The following PLGRKT variants were observed in gnomAD, a reference collection of about 807,000 sequenced individuals.
PLGRKT encodes plasminogen receptor with a C-terminal lysine.
PLGRKT carries 22 observed loss-of-function variants against 18.5 expected under a neutral mutation model. The ratio of observed to expected loss-of-function variants is 1.19; its 90% CI spans 0.85 to 1.70. The LOEUF (loss-of-function observed/expected upper bound fraction) is 1.70. Among genes scored for constraint, PLGRKT ranks in the 40% most tolerant of loss-of-function variants. PLGRKT has a pLI of 0.00. For synonymous variants in PLGRKT, 72 were observed against 52.8 expected (o/e 1.36, Z -1.58); for missense variants, 235 against 174.4 (o/e 1.35, Z -1.96).
chr9:5,382,132 G>A, intron 3 of PLGRKT: 1 of 458,522 alleles, frequency 2.2e-6, no homozygotes. Flanking sequence ...AACTATTCAT[G>A]ATGACTCTCT....
chr9:5,395,224 G>C (rs1818022676), intron 3 of PLGRKT, among the ~76,000 whole-genome samples: 1 of 151,860 alleles, frequency 6.6e-6, no homozygotes, highest in Non-Finnish European at 1.5e-5. Flanking sequence ...TGGTAGTTAA[G>C]TTCATGCACA....
At chr9:5,424,843 G>T (rs1172288653) in intron 3 of PLGRKT, among the ~76,000 whole-genome samples, 1 of 150,654 alleles carries the variant, frequency 6.6e-6, no homozygotes, top group Non-Finnish European at 1.5e-5. Flanking sequence ...CATCTTTCGT[G>T]TTGTTTTGTA....
At chr9:5,432,587 C>A (rs1036675073) in intron 2 of PLGRKT, among the ~76,000 whole-genome samples, 5 of 151,792 alleles carry the variant, frequency 3.3e-5, no homozygotes, top group African/African-American at 1.2e-4. Context: ...AACCTCCCTG[C>A]CTCTGGCTCC....
Position 5,402,226 on chromosome 9 carries a change from T to C in PLGRKT, c.81+29671A>G, listed in dbSNP as rs185892648. Among the ~76,000 whole-genome samples, 25 of 151,992 alleles carry C rather than the reference T, an allele frequency of 1.6e-4. No homozygotes were observed. In the East Asian group the frequency reaches 4.0e-3, roughly 25 times the overall value. ...GATTAGTGTCAACAGAAGGTAGAGA[T>C]AGTATTCCCTCAAAAGAGTTTAACA... On this transcript the variant is annotated intron_variant, in intron 3 of 5. Coordinates refer to ENST00000223864, the MANE Select transcript of PLGRKT (RefSeq NM_018465.4).
intron 3 of PLGRKT, among the ~76,000 whole-genome samples, chr9:5,370,460 G>C (rs770568413): frequency 2.6e-5 from 4 of 152,162 alleles, no homozygotes; most frequent in Non-Finnish European, 5.9e-5. Flanking sequence ...ATTTACTGGA[G>C]CCTTCCCTAT....
chr9:5,390,742 T>C (rs900066083), intron 3 of PLGRKT, among the ~76,000 whole-genome samples: 8 of 151,796 alleles, frequency 5.3e-5, no homozygotes, highest in Non-Finnish European at 1.2e-4. Flanking sequence ...GACTTAGAGA[T>C]AATATAGGTA....
At chr9:5,372,215 G>A (rs1259212825) in intron 3 of PLGRKT, among the ~76,000 whole-genome samples, 4 of 151,858 alleles carry the variant, frequency 2.6e-5, no homozygotes, top group Non-Finnish European at 2.9e-5. Flanking sequence ...TCTTGACCTC[G>A]TGATCTGCTC....
intron 2 of PLGRKT, among the ~76,000 whole-genome samples, chr9:5,436,331 CTTAT>C (rs906647480): frequency 1.1e-3 from 170 of 152,338 alleles, no homozygotes; most frequent in Admixed American, 0.011. Flanking sequence ...CTTGCCATTA[CTTAT>C]TTTTCTTCTG....
In PLGRKT at chr9:5,431,984, C is replaced by G; in HGVS notation, c.-6-1G>C. On this transcript the variant is annotated splice_acceptor_variant, in intron 2 of 5. Transcript: ENST00000223864. LOFTEE classifies it low-confidence loss of function (5UTR_SPLICE). ...TTGAAAATATAAACCCCATTTTGAC[C>G]TAAAATGTAAAAAAAGCAAGGAGAC... The G allele has an allele frequency of 7.3e-7, 1 of 1,376,442 alleles. No individual in the cohort carries two copies. Among genetic ancestry groups the G allele is most frequent in the Non-Finnish European group, 1.0e-6 (1 of 967,078 alleles). 85.3% of individuals were successfully genotyped at this position (1,376,442 alleles called of 1,614,324 possible).
At chr9:5,434,988 C>T (rs1249487853) in intron 2 of PLGRKT, among the ~76,000 whole-genome samples, 1 of 152,006 alleles carries the variant, frequency 6.6e-6, no homozygotes, top group Non-Finnish European at 1.5e-5. Flanking sequence ...AATTCTTCTG[C>T]CTTGGGATGC....
rs766109157 is a variant in PLGRKT at position 5,358,263 on chromosome 9, C to T, written c.420G>A (p.Gln140=). The change falls in exon 6 of 6, where the codon CAG becomes CAA. Residue 140 remains glutamine (Q), a synonymous_variant. Coordinates refer to ENST00000223864, the MANE Select transcript of PLGRKT (RefSeq NM_018465.4). ...FESIEKARKE[Q]SRFFIDK is the part of the protein sequence containing the mutation. ...TTCATTTGTCTATGAAGAATCTACT[C>T]TGTTCCTTTCTGGCTTTTTCAATGC... 6.2e-7 allele frequency: 1 copy of T among 1,609,644 alleles called. No homozygotes were observed. The highest frequency in any genetic ancestry group is 8.5e-7 in the Non-Finnish European group (1 of 1,176,154).
intron 3 of PLGRKT, among the ~76,000 whole-genome samples, chr9:5,398,000 G>A (rs974616284): frequency 2.0e-5 from 3 of 151,986 alleles, no homozygotes; most frequent in Admixed American, 2.0e-4. Context: ...GAACTCTGTA[G>A]CTTGGTGCCC....
chr9:5,420,218 T>C (rs2131158736), intron 3 of PLGRKT, among the ~76,000 whole-genome samples: 1 of 152,208 alleles, frequency 6.6e-6, no homozygotes, highest in Middle Eastern at 3.4e-3. Flanking sequence ...AGAAAGCATA[T>C]TAGTGGTTGC....
intron 3 of PLGRKT, among the ~76,000 whole-genome samples, chr9:5,430,381 G>C (rs751602540): frequency 1.3e-5 from 2 of 152,168 alleles, no homozygotes; most frequent in Non-Finnish European, 2.9e-5. Flanking sequence ...GTCTCGCCTA[G>C]GTCACTGCTC....
chr9:5,402,495 C>G (rs778566396), intron 3 of PLGRKT, among the ~76,000 whole-genome samples: 2 of 151,954 alleles, frequency 1.3e-5, no homozygotes, highest in Non-Finnish European at 2.9e-5. Flanking sequence ...CATACCTAAA[C>G]TCACTGTCTC....
At chr9:5,389,110 G>A (rs1817898652) in intron 3 of PLGRKT, among the ~76,000 whole-genome samples, 1 of 151,880 alleles carries the variant, frequency 6.6e-6, no homozygotes, top group Admixed American at 6.6e-5. Context: ...TTGGAGGAGG[G>A]CCCAAAGATT....
Position 5,361,781 on chromosome 9 carries a change from A to G in PLGRKT, c.189T>C (p.Leu63=). Residue 63 remains leucine, a synonymous_variant, in exon 4 of 6, where the codon CTT becomes CTC. Transcript: ENST00000223864. ...ACCCAGCTGTTAAAGAGATGGCTGC[A>G]AGGCCAAAAAAAGTTCCAAAATATT... is the stretch of plus-strand genomic sequence containing the variant. ...FLKYFGTFFG[L]AAISLTAGAI... is the part of the protein sequence containing the mutation. The G allele has an allele frequency of 6.2e-7, 1 of 1,612,714 alleles. No homozygotes were observed. Among genetic ancestry groups the G allele is most frequent in the South Asian group, 1.1e-5 (1 of 90,532 alleles).
At chr9:5,403,230 T>C (rs1365381094) in intron 3 of PLGRKT, among the ~76,000 whole-genome samples, 2 of 150,666 alleles carry the variant, frequency 1.3e-5, no homozygotes, top group Non-Finnish European at 3.0e-5. Flanking sequence ...TTTTCTTTTT[T>C]TTTTTTTTTT....
chr9:5,365,602 G>T (rs369335292), intron 3 of PLGRKT, among the ~76,000 whole-genome samples: 2 of 152,306 alleles, frequency 1.3e-5, no homozygotes, highest in Admixed American at 6.5e-5. Flanking sequence ...TAAATGTCAT[G>T]TGGCATCCTG....
Sources: gnomAD v4.1 joint callset for allele counts (sites outside exome capture counted in the v4.1 genomes callset) on GRCh38, gnomAD v4.1.1 for gene constraint, MANE v1.5 for transcripts, NCBI Gene and HGNC (gene_info 2026-07-23, HGNC 2026-07-21) for gene names.